The following EPB41L5 variants were observed in gnomAD, a reference collection of about 807,000 sequenced individuals.
EPB41L5 encodes band 4.1-like protein 5.
Under a neutral mutation model 106.6 loss-of-function variants are expected in EPB41L5, and 55 were observed. The observed-to-expected ratio is 0.52, with a 90% CI of 0.42 to 0.65. The LOEUF (loss-of-function observed/expected upper bound fraction) is 0.65. Among genes scored for constraint, EPB41L5 ranks in the 30% least tolerant of loss-of-function variants. The probability of loss-of-function intolerance (pLI) is 0.00; values close to 1 mark genes in which losing one functional copy is unlikely to be tolerated. For synonymous variants in EPB41L5, 297 were observed against 306.7 expected, an observed-to-expected ratio of 0.97 and a Z score of 0.33; for missense variants, 871 against 882.1, an observed-to-expected ratio of 0.99 and a Z score of 0.16.
chr2:120,049,230 T>C (rs1680045283), intron 3 of EPB41L5, among the ~76,000 whole-genome samples: 1 of 152,194 alleles, frequency 6.6e-6, no homozygotes, highest in African/African-American at 2.4e-5. Context: ...TAACTTTCTG[T>C]CTTGTTGATC....
chr2:120,166,653 G>A (rs1169890706), intron 22 of EPB41L5, among the ~76,000 whole-genome samples: 1 of 152,212 alleles, frequency 6.6e-6, no homozygotes, highest in Non-Finnish European at 1.5e-5. Flanking sequence ...GGCCAGGATG[G>A]TCTTGATCTC....
intron 16 of EPB41L5, among the ~76,000 whole-genome samples, chr2:120,107,619 A>G (rs749557010): frequency 1.3e-5 from 2 of 152,104 alleles, no homozygotes; most frequent in Non-Finnish European, 2.9e-5. Flanking sequence ...ACCCCCATGT[A>G]TAAAATGTGA....
At chr2:120,131,504 C>G (rs1685686243) in intron 17 of EPB41L5, 114 bp from the exon 18 acceptor site, 1 of 659,570 alleles carries the variant, frequency 1.5e-6, no homozygotes. Flanking sequence ...TGGATTATTA[C>G]TTTTAGTTGA....
At chr2:120,014,507 CAG>C (rs1050073735) in intron 1 of EPB41L5, among the ~76,000 whole-genome samples, 6 of 152,222 alleles carry the variant, frequency 3.9e-5, no homozygotes, top group East Asian at 3.9e-4. Context: ...TAATAATTAA[CAG>C]ATATTTAATT....
intron 11 of EPB41L5, among the ~76,000 whole-genome samples, chr2:120,089,421 G>A (rs1683264551): frequency 6.6e-6 from 1 of 151,976 alleles, no homozygotes; most frequent in African/African-American, 2.4e-5. Flanking sequence ...ATTAACTCAT[G>A]TTAGAATTGT....
At chr2:120,032,448 C>A (rs1440651437) in intron 2 of EPB41L5, among the ~76,000 whole-genome samples, 1 of 152,104 alleles carries the variant, frequency 6.6e-6, no homozygotes, top group African/African-American at 2.4e-5. Flanking sequence ...CAAGGAACAG[C>A]TAGGAAGGAC....
At position 120,077,289 on chromosome 2, in the gene EPB41L5, G is replaced by A. The variant is rs1456661160; in HGVS notation, c.687G>A (p.Met229Ile). 2 of 1,612,180 alleles carry A rather than the reference G, an allele frequency of 1.2e-6. No homozygotes were observed. The highest frequency in any genetic ancestry group is 2.2e-5 in the South Asian group (2 of 90,754). The change falls in exon 9 of 25, where the codon ATG becomes ATA. Residue 229 changes from methionine to isoleucine, a missense_variant. Transcript: ENST00000263713. ...NYLNKAKWLEMYGVDMHVVKA... is the reference protein window; with the variant it reads ...NYLNKAKWLEIYGVDMHVVKA... ...TGAATAAAGCCAAATGGCTAGAAAT[G>A]TATGGGGTTGATATGCATGTGGTCA...
At chr2:120,092,418 C>T (rs1683483332) in intron 13 of EPB41L5, among the ~76,000 whole-genome samples, 1 of 151,992 alleles carries the variant, frequency 6.6e-6, no homozygotes, top group Admixed American at 6.6e-5. Flanking sequence ...AAAATATATT[C>T]ATCATTGTTA....
intron 2 of EPB41L5, among the ~76,000 whole-genome samples, chr2:120,023,847 C>T (rs916628199): frequency 2.0e-5 from 3 of 152,072 alleles, no homozygotes; most frequent in African/African-American, 7.2e-5. Flanking sequence ...TGTGTCCTCT[C>T]TTATTTTGTT....
rs531625412 is a variant in EPB41L5, at chr2:120,060,834, G to A, written c.286-12344G>A. ...CATTGGCAGAAGTGTACACAGGACCGGGCCTCTTCTTACTATCATTCCAAC... is the reference window on the plus strand; with the variant it reads ...CATTGGCAGAAGTGTACACAGGACCAGGCCTCTTCTTACTATCATTCCAAC... On this transcript the variant is annotated intron_variant, in intron 3 of 24. Coordinates refer to ENST00000263713, the MANE Select transcript of EPB41L5 (RefSeq NM_020909.4). Among the ~76,000 whole-genome samples, 89 of 152,064 alleles carry A rather than the reference G, an allele frequency of 5.9e-4. No homozygotes were observed. In the Middle Eastern group the frequency reaches 0.01, roughly 17 times the overall value.
At chr2:120,093,198 T>G (rs780900805) in intron 13 of EPB41L5, 51 bp from the exon 14 acceptor site, 1 of 1,502,372 alleles carries the variant, frequency 6.7e-7, no homozygotes, top group Admixed American at 1.7e-5. Flanking sequence ...AGTGCAGCAG[T>G]TTATCATGTA....
At chr2:120,090,859 A>G (rs1461944979) in intron 12 of EPB41L5, among the ~76,000 whole-genome samples, 1 of 152,148 alleles carries the variant, frequency 6.6e-6, no homozygotes, top group East Asian at 1.9e-4. Context: ...ACTGAATGGG[A>G]TATTAGTCTG....
chr2:120,161,465 G>C (rs183984443), intron 21 of EPB41L5, among the ~76,000 whole-genome samples: 4 of 152,212 alleles, frequency 2.6e-5, no homozygotes, highest in Admixed American at 6.5e-5. Flanking sequence ...AGGATCTTAG[G>C]GTTTCTTCTC....
At chr2:120,035,787 A>C (rs1348397748) in intron 2 of EPB41L5, among the ~76,000 whole-genome samples, 2 of 152,214 alleles carry the variant, frequency 1.3e-5, no homozygotes, top group Admixed American at 1.3e-4. Context: ...CCCAATCATA[A>C]ATTTTTAATG....
chr2:120,035,417 A>T (rs899137181), intron 2 of EPB41L5, among the ~76,000 whole-genome samples: 4 of 152,198 alleles, frequency 2.6e-5, no homozygotes, highest in Admixed American at 2.6e-4. Context: ...CTTTAATTGA[A>T]TATGAGCTTC....
intron 11 of EPB41L5, among the ~76,000 whole-genome samples, chr2:120,088,282 G>A (rs1299177093): frequency 2.0e-5 from 3 of 152,032 alleles, no homozygotes; most frequent in African/African-American, 7.2e-5. Context: ...TCTTTTTTGC[G>A]GGACCATGGA....
intron 1 of EPB41L5, among the ~76,000 whole-genome samples, chr2:120,014,170 C>T (rs946673537): frequency 1.3e-5 from 2 of 152,244 alleles, no homozygotes; most frequent in African/African-American, 4.8e-5. Flanking sequence ...AGCAATTAAC[C>T]AACCATATTG....
At chr2:120,092,159 G>T (rs916124809) in intron 13 of EPB41L5, among the ~76,000 whole-genome samples, 1 of 152,078 alleles carries the variant, frequency 6.6e-6, no homozygotes, top group African/African-American at 2.4e-5. Flanking sequence ...CACCTGAGTA[G>T]CTGGGATTAC....
intron 2 of EPB41L5, among the ~76,000 whole-genome samples, chr2:120,033,922 CTG>C (rs746467149): frequency 4.0e-5 from 6 of 151,274 alleles, no homozygotes; most frequent in Non-Finnish European, 8.8e-5. Flanking sequence ...TATGAGAACT[CTG>C]TCTCTACAGA....
Sources: allele counts gnomAD v4.1 joint callset (sites outside exome capture counted in the v4.1 genomes callset), GRCh38; gene constraint gnomAD v4.1.1; transcripts MANE v1.5; gene names NCBI Gene and HGNC (gene_info 2026-07-23, HGNC 2026-07-21).